Variants in ULK4 observed in about 807,000 individuals in gnomAD.
The protein encoded by ULK4 is unc-51 like kinase 4, also known as inactive serine/threonine-protein kinase ULK4.
Under a neutral mutation model 160.6 loss-of-function variants are expected in ULK4, and 133 were observed. That is an observed-to-expected ratio of 0.83 (90% CI 0.72 to 0.96). The LOEUF is 0.96. ULK4 is among the 40% of genes least tolerant of loss of function. The probability of loss-of-function intolerance (pLI) is 0.00; values close to 1 mark genes in which losing one functional copy is unlikely to be tolerated. For synonymous variants in ULK4, 534 were observed against 539.8 expected, an observed-to-expected ratio of 0.99 and a Z score of 0.15; for missense variants, 1,580 against 1,499.5, an observed-to-expected ratio of 1.05 and a Z score of -0.89.
intron 32 of ULK4, among the ~76,000 whole-genome samples, chr3:41,527,436 T>G (rs1441602506): frequency 1.3e-5 from 2 of 152,238 alleles, no homozygotes; most frequent in African/African-American, 4.8e-5. Context: ...TTGTCACAAC[T>G]GTAAGACAAT....
At chr3:41,411,263 G>A (rs1575526902) in intron 34 of ULK4, among the ~76,000 whole-genome samples, 1 of 152,162 alleles carries the variant, frequency 6.6e-6, no homozygotes, top group East Asian at 1.9e-4. Context: ...GTCTAGACAT[G>A]CCTCATTATA....
intron 32 of ULK4, among the ~76,000 whole-genome samples, chr3:41,529,269 A>T (rs139589082): frequency 3.6e-4 from 55 of 152,316 alleles, no homozygotes; most frequent in African/African-American, 1.1e-3. Flanking sequence ...AAAATTTCTA[A>T]AAGTTGGAGC....
At chr3:41,656,994 T>G (rs961351385) in intron 30 of ULK4, among the ~76,000 whole-genome samples, 2 of 152,188 alleles carry the variant, frequency 1.3e-5, no homozygotes, top group Non-Finnish European at 2.9e-5. Context: ...TGCAACCTAC[T>G]GTAAAATTAA....
intron 32 of ULK4, among the ~76,000 whole-genome samples, chr3:41,543,754 G>A (rs2086768594): frequency 6.6e-6 from 1 of 152,036 alleles, no homozygotes; most frequent in South Asian, 2.1e-4. Context: ...CAAAAGTGAT[G>A]ACTTATTTTC....
chr3:41,902,821 A>G (rs1698424679), intron 12 of ULK4, among the ~76,000 whole-genome samples: 1 of 152,256 alleles, frequency 6.6e-6, no homozygotes, highest in Non-Finnish European at 1.5e-5. Context: ...AGATAAAAAA[A>G]GCTTTGTTTT....
At chr3:41,708,003 T>TA (rs1366021391) in intron 25 of ULK4, among the ~76,000 whole-genome samples, 1 of 151,158 alleles carries the variant, frequency 6.6e-6, no homozygotes, top group South Asian at 2.1e-4. Context: ...ATCAAAAAGA[T>TA]AAAAGATAAC....
rs531720120 is a variant in ULK4, at chr3:41,498,788, G to A, written c.3227-35535C>T. On this transcript the variant is annotated intron_variant, in intron 32 of 36. Coordinates refer to ENST00000301831, the MANE Select transcript of ULK4 (RefSeq NM_017886.4). ...TTTTTTATATTTTTAGTAGAGACAG[G>A]GTTTCACCATGTTAGCCAGGATGGT... 2.0e-4 allele frequency among the ~76,000 whole-genome samples: 31 copies of A among 151,988 alleles called. 1 individual carries two copies. In the South Asian group the frequency reaches 6.4e-3, roughly 32 times the overall value.
intron 33 of ULK4, among the ~76,000 whole-genome samples, chr3:41,457,070 G>A (rs2083571189): frequency 6.6e-6 from 1 of 152,182 alleles, no homozygotes; most frequent in South Asian, 2.1e-4. Flanking sequence ...TATCCAAGAG[G>A]TCTGAACCTT....
chr3:41,739,914 C>G (rs2038186683), intron 22 of ULK4, among the ~76,000 whole-genome samples: 1 of 151,818 alleles, frequency 6.6e-6, no homozygotes, highest in Non-Finnish European at 1.5e-5. Context: ...ATGAATCTCT[C>G]TATAATACAC....
At chr3:41,527,645 C>G (rs1041005561) in intron 32 of ULK4, among the ~76,000 whole-genome samples, 2 of 152,168 alleles carry the variant, frequency 1.3e-5, no homozygotes, top group African/African-American at 2.4e-5. Flanking sequence ...AACACAGGTA[C>G]GAACAGCTTT....
chr3:41,957,201 C>G (rs903823288), intron 1 of ULK4, among the ~76,000 whole-genome samples: 2 of 152,122 alleles, frequency 1.3e-5, no homozygotes, highest in Non-Finnish European at 2.9e-5. Flanking sequence ...CACCTGTAAT[C>G]CCAGCACTTT....
At chr3:41,489,509 C>T (rs573911389) in intron 32 of ULK4, among the ~76,000 whole-genome samples, 19 of 152,296 alleles carry the variant, frequency 1.2e-4, no homozygotes, top group African/African-American at 4.1e-4. Context: ...CCAAATCCTA[C>T]TAACAGTGCA....
At chr3:41,488,515 T>G (rs954792373) in intron 32 of ULK4, among the ~76,000 whole-genome samples, 1 of 152,190 alleles carries the variant, frequency 6.6e-6, no homozygotes. Flanking sequence ...ATTTTTATCA[T>G]GAATATGCAT....
At chr3:41,364,494 C>G (rs1005291513) in intron 35 of ULK4, among the ~76,000 whole-genome samples, 2 of 152,190 alleles carry the variant, frequency 1.3e-5, no homozygotes, top group East Asian at 3.9e-4. Context: ...GCCTGTTTCA[C>G]AGGTTTATTA....
intron 21 of ULK4, among the ~76,000 whole-genome samples, chr3:41,775,162 G>T (rs1010440970): frequency 1.1e-4 from 17 of 149,888 alleles, no homozygotes; most frequent in Non-Finnish European, 2.1e-4. Flanking sequence ...CATGGCACAT[G>T]TATACATATG....
At chr3:41,938,065 T>C (rs954891812) in intron 3 of ULK4, 33 bp downstream of exon 3, 3 of 1,501,508 alleles carry the variant, frequency 2.0e-6, no homozygotes, top group Admixed American at 2.0e-5. Context: ...TTCAATACTA[T>C]ATTCATAGCA....
At chr3:41,286,297 G>C (rs1163692714) in intron 35 of ULK4, among the ~76,000 whole-genome samples, 1 of 152,146 alleles carries the variant, frequency 6.6e-6, no homozygotes, top group Non-Finnish European at 1.5e-5. Context: ...TTTTCAGAGG[G>C]AGTGAGTGGG....
At chr3:41,605,452 G>A (rs879494151) in intron 31 of ULK4, among the ~76,000 whole-genome samples, 8 of 151,980 alleles carry the variant, frequency 5.3e-5, no homozygotes, top group Non-Finnish European at 1.0e-4. Flanking sequence ...CTGCAGTGGT[G>A]ATATTAATAT....
intron 2 of ULK4, among the ~76,000 whole-genome samples, chr3:41,946,585 C>T (rs772787405): frequency 4.6e-5 from 7 of 152,186 alleles, no homozygotes; most frequent in Non-Finnish European, 1.0e-4. Context: ...TCTTGGAATC[C>T]AGTACATTTC....
Sources: allele counts gnomAD v4.1 joint callset (sites outside exome capture counted in the v4.1 genomes callset), GRCh38; gene constraint gnomAD v4.1.1; transcripts MANE v1.5; gene names NCBI Gene and HGNC (gene_info 2026-07-23, HGNC 2026-07-21).